MSL2: variants seen among roughly 807,000 people sequenced by gnomAD.
The protein encoded by MSL2 is MSL complex subunit 2.
Under a neutral mutation model 35.8 loss-of-function variants are expected in MSL2, and 2 were observed. That is an observed-to-expected ratio of 0.06 (90% CI 0.02 to 0.18). The LOEUF (loss-of-function observed/expected upper bound fraction) is 0.18, where lower values mean the gene tolerates loss of function less well. MSL2 is among the 10% of genes least tolerant of loss of function. The pLI is 1.00. For missense variants in MSL2, 523 were observed against 706.7 expected (o/e 0.74, Z 2.95); for synonymous variants, 296 against 255.7 (o/e 1.16, Z -1.50).
chr3:136,168,906 C>T (rs1421925398), intron 1 of MSL2, among the ~76,000 whole-genome samples: 1 of 151,922 alleles, frequency 6.6e-6, no homozygotes, highest in African/African-American at 2.4e-5. Flanking sequence ...CTTTACTGAT[C>T]ATCTAAGCAT....
At chr3:136,165,063 C>T (rs755996835) in intron 1 of MSL2, among the ~76,000 whole-genome samples, 1 of 151,920 alleles carries the variant, frequency 6.6e-6, no homozygotes, top group Admixed American at 6.6e-5. Flanking sequence ...TTAGTAGAGA[C>T]GGGGTTTCAC....
chr3:136,168,770 TCAC>T (rs757640438), intron 1 of MSL2, among the ~76,000 whole-genome samples: 27 of 151,364 alleles, frequency 1.8e-4, no homozygotes, highest in African/African-American at 3.4e-4. Context: ...AAAAAAAAAC[TCAC>T]CAAAGTTTTT....
chr3:136,184,170 C>T (rs1940445248), intron 1 of MSL2, among the ~76,000 whole-genome samples: 1 of 152,070 alleles, frequency 6.6e-6, no homozygotes, highest in South Asian at 2.1e-4. Flanking sequence ...ACGGTGGGCG[C>T]CTGTAGTCCC....
At chr3:136,193,761 T>C (rs1940756719) in intron 1 of MSL2, among the ~76,000 whole-genome samples, 2 of 152,136 alleles carry the variant, frequency 1.3e-5, no homozygotes, top group African/African-American at 2.4e-5. Context: ...TGATTTGCCC[T>C]GGGCGACTAT....
chr3:136,176,515 C>CAAAAA (rs771021498), intron 1 of MSL2, among the ~76,000 whole-genome samples: 7 of 54,138 alleles, frequency 1.3e-4, no homozygotes, highest in Admixed American at 2.1e-4. Context: ...GACCCTCTCT[C>CAAAAA]AAAAAAAAAA....
In MSL2 at chr3:136,150,853, C is replaced by A. The variant is rs1325112431; in HGVS notation, c.*294G>T. The A allele has an allele frequency of 6.2e-6, 2 of 321,402 alleles. No homozygotes were observed. The highest frequency in any genetic ancestry group is 4.2e-5 in the Admixed American group (1 of 23,564). 19.9% of individuals were successfully genotyped at this position (321,402 alleles called of 1,614,324 possible). ...ATTATGCACAAAGCATGGCCATAAA[C>A]AATGAGGTTAATGTTATTTTTCTTG... On this transcript the variant is annotated 3_prime_UTR_variant, in exon 2 of 2. Transcript: ENST00000309993.
At chr3:136,185,546 G>T (rs893150904) in intron 1 of MSL2, among the ~76,000 whole-genome samples, 7 of 143,224 alleles carry the variant, frequency 4.9e-5, no homozygotes, top group Non-Finnish European at 1.1e-4. Context: ...TTGGAGGGGG[G>T]GGTGGGGGAA....
Position 136,164,834 on chromosome 3 carries a change from C to A in MSL2, c.143-12096G>T, listed in dbSNP as rs192173211. ...GCATAGATCGTGTTCCATATAGTTA[C>A]ACACACAAGTACAAAAAAAGACTCA... On this transcript the variant is annotated intron_variant, in intron 1 of 1. Transcript: ENST00000309993. 6.1e-3 allele frequency among the ~76,000 whole-genome samples: 927 copies of A among 152,126 alleles called. 4 individuals are homozygous for A. The highest frequency in any genetic ancestry group is 9.9e-3 in the Non-Finnish European group (671 of 68,004).
At chr3:136,158,903 C>G (rs542313395) in intron 1 of MSL2, among the ~76,000 whole-genome samples, 1 of 152,242 alleles carries the variant, frequency 6.6e-6, no homozygotes, top group East Asian at 1.9e-4. Context: ...AAAACTTTAA[C>G]AAAGACTTCT....
chr3:136,154,903 T>C (rs1939475567), intron 1 of MSL2, among the ~76,000 whole-genome samples: 2 of 151,968 alleles, frequency 1.3e-5, no homozygotes, highest in Non-Finnish European at 2.9e-5. Flanking sequence ...AAAAAAATTA[T>C]AATACATTTT....
In MSL2 at chr3:136,151,216, C is replaced by T. The variant is rs1576351872; in HGVS notation, c.1665G>A (p.Thr555=). ...VINVTGSPVT[T]FLAASTHDDK... The stretch of plus-strand genomic sequence containing the variant: ...CATCATGTGTACTGGCAGCTAAAAA[C>T]GTCGTTACTGGGGACCCTGTGACAT... Residue 555 remains threonine, a synonymous_variant, in exon 2 of 2, where the codon ACG becomes ACA. Coordinates refer to ENST00000309993, the MANE Select transcript of MSL2 (RefSeq NM_018133.4). This position sits in a 1 kb window ranked among gnomAD's most constrained non-coding sequence, Gnocchi z 5.2. The T allele has an allele frequency of 2.5e-6, 4 of 1,614,204 alleles. No individual in the cohort carries two copies. The South Asian group carries it at 3.3e-5, about 13-fold the overall frequency.
At chr3:136,167,580 T>C (rs1246820960) in intron 1 of MSL2, among the ~76,000 whole-genome samples, 1 of 152,170 alleles carries the variant, frequency 6.6e-6, no homozygotes, top group African/African-American at 2.4e-5. Flanking sequence ...CATAAACCTT[T>C]TGTTTATGAC....
At chr3:136,169,561 G>A (rs1939959280) in intron 1 of MSL2, among the ~76,000 whole-genome samples, 1 of 151,990 alleles carries the variant, frequency 6.6e-6, no homozygotes, top group Non-Finnish European at 1.5e-5. Context: ...CAATTCTCCT[G>A]CCTCAACCTC....
intron 1 of MSL2, among the ~76,000 whole-genome samples, chr3:136,160,934 A>G (rs1192876355): frequency 6.6e-6 from 1 of 151,686 alleles, no homozygotes; most frequent in Non-Finnish European, 1.5e-5. Context: ...TAAAATACAA[A>G]AAATTAGCCA....
At position 136,195,823 on chromosome 3, in the gene MSL2, A is replaced by AG. The variant is rs1379337159; in HGVS notation, c.-711dup. The AG allele has an allele frequency of 5.7e-5, 56 of 983,912 alleles. No individual in the cohort carries two copies. The highest frequency in any genetic ancestry group is 6.2e-5 in the Admixed American group (1 of 16,196). 60.9% of individuals were successfully genotyped at this position (983,912 alleles called of 1,614,324 possible). ...AGGCGGGCGGGAGTCCTCAACCCGG[A>AG]GGGGAAGGCCGGGGAGGAAGTGCGC... On this transcript the variant is annotated 5_prime_UTR_variant, in exon 1 of 2. Transcript: ENST00000309993.
At chr3:136,158,409 A>ACCT (rs1234314822) in intron 1 of MSL2, among the ~76,000 whole-genome samples, 2 of 152,118 alleles carry the variant, frequency 1.3e-5, no homozygotes, top group African/African-American at 4.8e-5. Context: ...CACAACATAT[A>ACCT]ATACAATACC....
chr3:136,166,712 C>T lies in MSL2; in HGVS notation c.143-13974G>A, dbSNP rs17232296. 7.8e-3 allele frequency among the ~76,000 whole-genome samples: 1,184 copies of T among 152,178 alleles called. 10 individuals are homozygous for T. Among genetic ancestry groups the T allele is most frequent in the Middle Eastern group, 0.02 (6 of 294 alleles). On this transcript the variant is annotated intron_variant, in intron 1 of 1. Transcript: ENST00000309993. ...GCAAATAGCGCTAAAATAAATAAACCGTAACTAAGTCTCAAATTGCTTGCC... is the reference window on the plus strand; with the variant it reads ...GCAAATAGCGCTAAAATAAATAAACTGTAACTAAGTCTCAAATTGCTTGCC...
At chr3:136,187,197 C>A (rs752150801) in intron 1 of MSL2, among the ~76,000 whole-genome samples, 1 of 152,140 alleles carries the variant, frequency 6.6e-6, no homozygotes, top group Non-Finnish European at 1.5e-5. Flanking sequence ...CAATTTATAA[C>A]GAGATAAACC....
chr3:136,169,918 T>C (rs1378605034), intron 1 of MSL2, among the ~76,000 whole-genome samples: 1 of 150,278 alleles, frequency 6.7e-6, no homozygotes, highest in Admixed American at 6.6e-5. Flanking sequence ...TAGCCAGGTG[T>C]GGTGGCAGAT....
Sources: allele counts gnomAD v4.1 joint callset (sites outside exome capture counted in the v4.1 genomes callset), GRCh38; gene constraint gnomAD v4.1.1; non-coding constraint Gnocchi (gnomAD v3.1); transcripts MANE v1.5; gene names NCBI Gene and HGNC (gene_info 2026-07-23, HGNC 2026-07-21).